The following R3HDM2 variants were observed in gnomAD, a reference collection of about 807,000 sequenced individuals.
R3HDM2 encodes the protein R3H domain-containing protein 2.
R3HDM2 carries 38 observed loss-of-function variants against 124.5 expected under a neutral mutation model. The ratio of observed to expected loss-of-function variants is 0.31; its 90% CI spans 0.24 to 0.40. The LOEUF is 0.40. R3HDM2 is among the 10% of genes least tolerant of loss of function. The probability of loss-of-function intolerance (pLI) is 1.00; values close to 1 mark genes in which losing one functional copy is unlikely to be tolerated. For missense variants in R3HDM2, 869 were observed against 1,236.9 expected (o/e 0.70, Z 4.46); for synonymous variants, 391 against 448.0 (o/e 0.87, Z 1.61).
intron 2 of R3HDM2, among the ~76,000 whole-genome samples, chr12:57,381,339 G>A (rs1339052442): frequency 6.6e-6 from 1 of 151,968 alleles, no homozygotes; most frequent in Non-Finnish European, 1.5e-5. Context: ...GGATCACAAG[G>A]TCAGGAGTTT....
At chr12:57,287,089 G>A (rs1186111949) in intron 12 of R3HDM2, among the ~76,000 whole-genome samples, 2 of 152,176 alleles carry the variant, frequency 1.3e-5, no homozygotes, top group African/African-American at 4.8e-5. Flanking sequence ...GTGGTGTAGC[G>A]AAGAGGACAC....
At chr12:57,318,746 A>G (rs528123636) in intron 2 of R3HDM2, among the ~76,000 whole-genome samples, 1 of 152,218 alleles carries the variant, frequency 6.6e-6, no homozygotes, top group African/African-American at 2.4e-5. Flanking sequence ...GAGTGCTTAC[A>G]TTGTGCCAGG....
chr12:57,330,784 C>T (rs1479354343), intron 2 of R3HDM2, among the ~76,000 whole-genome samples: 2 of 149,150 alleles, frequency 1.3e-5, no homozygotes, highest in Admixed American at 6.7e-5. Context: ...CTGCAAGCTC[C>T]GCCTCCCGGG....
In R3HDM2 at chr12:57,359,632, T is replaced by A. The variant is rs141693376; in HGVS notation, c.-36+36117A>T. ...CATGCGGCTGGGTCGTGCTTTTAGA[T>A]GCAATCTGATAATTTTCACCTATTG... On this transcript the variant is annotated intron_variant, in intron 2 of 23. Coordinates refer to ENST00000402412, the MANE Select transcript of R3HDM2 (RefSeq NM_001394031.1). 2.0e-3 allele frequency among the ~76,000 whole-genome samples: 299 copies of A among 152,338 alleles called. 2 individuals are homozygous for A. Among genetic ancestry groups the A allele is most frequent in the African/African-American group, 6.8e-3 (281 of 41,584 alleles).
chr12:57,429,694 C>T (rs1049945964), intron 1 of R3HDM2, among the ~76,000 whole-genome samples: 2 of 143,908 alleles, frequency 1.4e-5, no homozygotes, highest in Non-Finnish European at 3.0e-5. Context: ...TTCTGGGTGA[C>T]AGACTGAGAC....
chr12:57,342,000 G>A (rs1379142294), intron 2 of R3HDM2, among the ~76,000 whole-genome samples: 1 of 152,126 alleles, frequency 6.6e-6, no homozygotes, highest in African/African-American at 2.4e-5. Flanking sequence ...AAATGAAAAT[G>A]CCTAAAACAC....
At chr12:57,384,930 C>A (rs886626004) in intron 2 of R3HDM2, among the ~76,000 whole-genome samples, 1 of 152,028 alleles carries the variant, frequency 6.6e-6, no homozygotes, top group Admixed American at 6.6e-5. Context: ...GGGTGGATCA[C>A]GAGGTCAGGA....
At chr12:57,323,391 TA>T (rs2056771406) in intron 2 of R3HDM2, among the ~76,000 whole-genome samples, 1 of 152,156 alleles carries the variant, frequency 6.6e-6, no homozygotes, top group East Asian at 1.9e-4. Context: ...ATGAAACACA[TA>T]AAGCTATAGG....
intron 2 of R3HDM2, among the ~76,000 whole-genome samples, chr12:57,314,792 C>T (rs2054678296): frequency 6.6e-6 from 1 of 152,100 alleles, no homozygotes. Context: ...TTCTCTTTTC[C>T]AAGCTTAAAT....
intron 2 of R3HDM2, among the ~76,000 whole-genome samples, chr12:57,394,075 C>T (rs971557536): frequency 1.3e-5 from 2 of 151,910 alleles, no homozygotes; most frequent in Admixed American, 6.6e-5. Flanking sequence ...CCGAGGTGGG[C>T]TCCTGAGGTC....
chr12:57,340,003 A>G (rs761129959), intron 2 of R3HDM2, among the ~76,000 whole-genome samples: 3 of 152,224 alleles, frequency 2.0e-5, no homozygotes, highest in Non-Finnish European at 2.9e-5. Context: ...ATCTTTCAAT[A>G]GCTTTTCTTT....
intron 8 of R3HDM2, chr12:57,297,035 CAAAG>C (rs1042041926): frequency 2.0e-4 from 57 of 283,678 alleles, no homozygotes; most frequent in Non-Finnish European, 3.4e-4. Flanking sequence ...GCCTAGGCGA[CAAAG>C]AAAGACTGTC....
intron 14 of R3HDM2, among the ~76,000 whole-genome samples, chr12:57,279,877 T>A (rs1206206463): frequency 1.3e-5 from 2 of 152,108 alleles, no homozygotes; most frequent in African/African-American, 4.8e-5. Flanking sequence ...GTCTTTGTGT[T>A]TCGTGGCATA....
chr12:57,255,164 G>T (rs763920823), intron 23 of R3HDM2, 51 bp from the exon 24 acceptor site: 2 of 1,440,704 alleles, frequency 1.4e-6, no homozygotes, highest in Admixed American at 2.1e-5. Context: ...GGACAGGAAG[G>T]ACTTGACAGC....
At position 57,366,401 on chromosome 12, in the gene R3HDM2, G is replaced by A. The variant is rs58295734; in HGVS notation, c.-36+29348C>T. Among the ~76,000 whole-genome samples the A allele has an allele frequency of 5.8e-3, 877 of 152,184 alleles. 7 individuals are homozygous for A. The highest frequency in any genetic ancestry group is 0.02 in the African/African-American group (828 of 41,494). On this transcript the variant is annotated intron_variant, in intron 2 of 23. Coordinates refer to ENST00000402412, the MANE Select transcript of R3HDM2 (RefSeq NM_001394031.1). The stretch of plus-strand genomic sequence containing the variant: ...TCACTAATTTTTCTTCTGCTGTGCC[G>A]ATCTGCTGTAAATCCTGGGCACTAT...
intron 2 of R3HDM2, among the ~76,000 whole-genome samples, chr12:57,375,084 A>G (rs2063874617): frequency 6.6e-6 from 1 of 151,990 alleles, no homozygotes; most frequent in South Asian, 2.1e-4. Flanking sequence ...CAGACCAGAC[A>G]TATTCCACAA....
chr12:57,329,660 G>C (rs1014122748), intron 2 of R3HDM2, among the ~76,000 whole-genome samples: 14 of 151,756 alleles, frequency 9.2e-5, no homozygotes, highest in Non-Finnish European at 2.1e-4. Context: ...CATATAAATA[G>C]CCTCTACTAG....
chr12:57,283,671 A>G (rs930306630), intron 13 of R3HDM2, among the ~76,000 whole-genome samples, 153 bp downstream of exon 13: 9 of 152,102 alleles, frequency 5.9e-5, no homozygotes, highest in Non-Finnish European at 1.3e-4. Flanking sequence ...CCCGGGAGAC[A>G]GAGGTTGCAG....
At chr12:57,427,573 C>G (rs1868266839) in intron 1 of R3HDM2, among the ~76,000 whole-genome samples, 1 of 151,270 alleles carries the variant, frequency 6.6e-6, no homozygotes, top group South Asian at 2.1e-4. Context: ...TGGTCTCGAA[C>G]TTCTAACCTC....
Sources: gnomAD v4.1 joint callset for allele counts (sites outside exome capture counted in the v4.1 genomes callset) on GRCh38, gnomAD v4.1.1 for gene constraint, MANE v1.5 for transcripts, NCBI Gene and HGNC (gene_info 2026-07-23, HGNC 2026-07-21) for gene names.